Variants in ADGRL4 observed in about 807,000 individuals in gnomAD.
The protein encoded by ADGRL4 is adhesion G protein-coupled receptor L4, also known as EGF, latrophilin and seven transmembrane domain containing 1.
ADGRL4 carries 90 observed loss-of-function variants against 74.8 expected under a neutral mutation model. That is an observed-to-expected ratio of 1.20 (90% CI 1.02 to 1.43). The LOEUF is 1.43. Among genes scored for constraint, ADGRL4 ranks in the 40% most tolerant of loss-of-function variants. The probability of loss-of-function intolerance (pLI) is 0.00; values close to 1 mark genes in which losing one functional copy is unlikely to be tolerated. For synonymous variants in ADGRL4, 311 were observed against 279.2 expected (o/e 1.11, Z -1.14); for missense variants, 881 against 814.3 (o/e 1.08, Z -1.00).
At chr1:78,950,760 G>A (rs1469120770) in intron 2 of ADGRL4, among the ~76,000 whole-genome samples, 1 of 152,082 alleles carries the variant, frequency 6.6e-6, no homozygotes, top group African/African-American at 2.4e-5. Context: ...GAGATTGAAT[G>A]GATATTTGAG....
At chr1:78,956,768 G>A (rs1649837877) in intron 2 of ADGRL4, among the ~76,000 whole-genome samples, 1 of 152,094 alleles carries the variant, frequency 6.6e-6, no homozygotes, top group South Asian at 2.1e-4. Flanking sequence ...TGTAAATAAT[G>A]AGACAAAGAA....
intron 12 of ADGRL4, among the ~76,000 whole-genome samples, chr1:78,909,613 C>A (rs75055578): frequency 3.3e-5 from 5 of 151,778 alleles, no homozygotes; most frequent in Non-Finnish European, 7.4e-5. Flanking sequence ...ATATTCCAAT[C>A]GAACCATTTA....
chr1:79,002,744 T>G (rs1028844346), intron 2 of ADGRL4, among the ~76,000 whole-genome samples: 1 of 152,024 alleles, frequency 6.6e-6, no homozygotes, highest in Non-Finnish European at 1.5e-5. Context: ...ATTAATTTTC[T>G]GGACTCAGAG....
At chr1:78,904,468 C>A (rs1287815779) in intron 12 of ADGRL4, among the ~76,000 whole-genome samples, 1 of 151,720 alleles carries the variant, frequency 6.6e-6, no homozygotes, top group Non-Finnish European at 1.5e-5. Context: ...GTATGTTTTA[C>A]AATATACTTT....
intron 12 of ADGRL4, among the ~76,000 whole-genome samples, chr1:78,902,943 C>T (rs1328577553): frequency 1.3e-5 from 2 of 151,784 alleles, no homozygotes; most frequent in African/African-American, 4.8e-5. Flanking sequence ...CTTTAGAGTC[C>T]AAATATAACT....
At chr1:79,005,860 C>T (rs1481204770) in intron 1 of ADGRL4, among the ~76,000 whole-genome samples, 1 of 149,282 alleles carries the variant, frequency 6.7e-6, no homozygotes, top group Non-Finnish European at 1.5e-5. Flanking sequence ...AAAACAAAAA[C>T]AAAAAAAGAA....
At chr1:78,909,439 T>A (rs1461403513) in intron 12 of ADGRL4, among the ~76,000 whole-genome samples, 1 of 151,842 alleles carries the variant, frequency 6.6e-6, no homozygotes, top group African/African-American at 2.4e-5. Flanking sequence ...GTTGTCATAT[T>A]TAAGTGGCAG....
chr1:78,915,218 C>T (rs1042487829), intron 12 of ADGRL4, among the ~76,000 whole-genome samples: 1 of 151,890 alleles, frequency 6.6e-6, no homozygotes, highest in Non-Finnish European at 1.5e-5. Flanking sequence ...AAGAATACTC[C>T]AGTAAGCACA....
chr1:78,940,992 A>G (rs1457291485), intron 3 of ADGRL4, among the ~76,000 whole-genome samples: 1 of 152,292 alleles, frequency 6.6e-6, no homozygotes, highest in Admixed American at 6.5e-5. Flanking sequence ...AGGTTAGAAC[A>G]GTTCTTGTTC....
chr1:78,924,266 T>G (rs1333787776), intron 8 of ADGRL4, among the ~76,000 whole-genome samples: 1 of 151,994 alleles, frequency 6.6e-6, no homozygotes, highest in African/African-American at 2.4e-5. Context: ...TAGAAAAATA[T>G]ATTTGTGTGT....
chr1:78,896,478 C>A lies in ADGRL4; in HGVS notation c.1750-3289G>T, dbSNP rs566269669. On this transcript the variant is annotated intron_variant, in intron 12 of 14. Coordinates refer to ENST00000370742, the MANE Select transcript of ADGRL4 (RefSeq NM_022159.4). ...AACCTATTTTTTTCTGCAATCTTCC[C>A]CATCTCAAAAAAATGTTATCTTACT... 2.0e-5 allele frequency among the ~76,000 whole-genome samples: 3 copies of A among 152,034 alleles called. 1 individual carries two copies. The highest frequency in any genetic ancestry group is 6.6e-5 in the Admixed American group (1 of 15,228).
intron 2 of ADGRL4, among the ~76,000 whole-genome samples, chr1:78,954,339 T>C (rs1196599479): frequency 1.3e-5 from 2 of 151,958 alleles, no homozygotes; most frequent in African/African-American, 4.8e-5. Context: ...ATGAGAAATG[T>C]ACTGAAAATT....
chr1:78,935,894 C>T (rs1291844262), intron 7 of ADGRL4, among the ~76,000 whole-genome samples: 1 of 23,368 alleles, frequency 4.3e-5, no homozygotes, highest in African/African-American at 1.0e-4. Context: ...GAGGCCGAGG[C>T]GGGCGGATCA....
chr1:78,938,376 T>C, intron 4 of ADGRL4, 97 bp from the exon 5 acceptor site: 1 of 933,392 alleles, frequency 1.1e-6, no homozygotes, highest in South Asian at 2.1e-5. Context: ...TGAGGTTGGT[T>C]TCCTTGGTCT....
intron 12 of ADGRL4, among the ~76,000 whole-genome samples, chr1:78,901,103 A>T (rs1648507177): frequency 6.6e-6 from 1 of 152,154 alleles, no homozygotes; most frequent in Admixed American, 6.5e-5. Flanking sequence ...ATAGGATACC[A>T]GTATCTTGGT....
At chr1:78,949,969 G>A (rs990194237) in intron 2 of ADGRL4, among the ~76,000 whole-genome samples, 3 of 152,070 alleles carry the variant, frequency 2.0e-5, no homozygotes, top group African/African-American at 7.2e-5. Context: ...AAGAACACAG[G>A]CATACACACA....
rs1439123565 is a variant in ADGRL4 at position 79,006,714 on chromosome 1, A to G, written c.-60T>C. The G allele has an allele frequency of 1.2e-5, 17 of 1,406,448 alleles. No homozygotes were observed. Among genetic ancestry groups the G allele is most frequent in the Non-Finnish European group, 8.3e-6 (9 of 1,080,936 alleles). The allele number at this position is 1,406,448 out of a possible 1,614,324, so 87.1% of individuals were successfully genotyped here. ...CGCGGCGGAGTGAGTGCGGCTGTGG[A>G]CCCGGGACCGGGCGCCGCTGGGCGG... On this transcript the variant is annotated 5_prime_UTR_variant, in exon 1 of 15. Coordinates refer to ENST00000370742, the MANE Select transcript of ADGRL4 (RefSeq NM_022159.4).
intron 10 of ADGRL4, among the ~76,000 whole-genome samples, chr1:78,919,079 T>C (rs528735312): frequency 6.6e-6 from 1 of 151,982 alleles, no homozygotes; most frequent in African/African-American, 2.4e-5. Context: ...CTGCAAAACA[T>C]AAAAATAGAT....
At chr1:78,998,912 A>G (rs1270777979) in intron 2 of ADGRL4, among the ~76,000 whole-genome samples, 1 of 152,172 alleles carries the variant, frequency 6.6e-6, no homozygotes, top group Non-Finnish European at 1.5e-5. Flanking sequence ...TCAGAGAACT[A>G]TTGTGAGAAT....
Sources: allele counts gnomAD v4.1 joint callset (sites outside exome capture counted in the v4.1 genomes callset), GRCh38; gene constraint gnomAD v4.1.1; transcripts MANE v1.5; gene names NCBI Gene and HGNC (gene_info 2026-07-23, HGNC 2026-07-21).